STC1: variants seen among roughly 807,000 people sequenced by gnomAD.
STC1 encodes the protein stanniocalcin 1, also known as stanniocalcin-1.
STC1 carries 7 observed loss-of-function variants against 22.6 expected under a neutral mutation model. The observed-to-expected ratio is 0.31, with a 90% CI of 0.18 to 0.58. STC1 has a LOEUF of 0.58. Ranked by LOEUF, STC1 falls within the 20% of genes least tolerant of loss-of-function variation. The pLI is 0.89. For synonymous variants in STC1, 113 were observed against 120.7 expected (o/e 0.94, Z 0.42); for missense variants, 224 against 311.0 (o/e 0.72, Z 2.10).
chr8:23,853,792 C>T (rs549915889), intron 1 of STC1, among the ~76,000 whole-genome samples: 256 of 152,170 alleles, frequency 1.7e-3, no homozygotes, highest in African/African-American at 5.6e-3. Flanking sequence ...GGCTCTCTGG[C>T]TACGGGCTGC....
At chr8:23,853,138 A>C (rs193149116) in intron 1 of STC1, among the ~76,000 whole-genome samples, 2 of 152,242 alleles carry the variant, frequency 1.3e-5, no homozygotes, top group African/African-American at 4.8e-5. Context: ...AAAAACTTGC[A>C]TGAGGCTTTC....
In STC1 at chr8:23,854,726, C is replaced by CGCTGCT. The variant is rs879545164; in HGVS notation, c.-209_-204dup. 73 of 656,786 alleles carry CGCTGCT rather than the reference C, an allele frequency of 1.1e-4. No individual in the cohort carries two copies. The highest frequency in any genetic ancestry group is 8.0e-4 in the African/African-American group (44 of 55,128). 40.7% of individuals were successfully genotyped at this position (656,786 alleles called of 1,614,324 possible). A position where few individuals can be genotyped will look rare whatever the true frequency, so the allele number is the denominator to read the frequency against. Reference sequence around the variant, plus strand: ...CCTCCGCTGCTGCTGCTGCTGCCGCCGCTGCTGCTGCTGCTGCCACCGCCG... The same window carrying CGCTGCT: ...CCTCCGCTGCTGCTGCTGCTGCCGCCGCTGCTGCTGCTGCTGCTGCTGCCACCGCCG... On this transcript the variant is annotated 5_prime_UTR_variant, in exon 1 of 4. Transcript: ENST00000290271.
rs1563344396 is a variant in STC1, at chr8:23,854,720, T to TGCTGCTGCTGCTGCC, written c.-198_-197insGGCAGCAGCAGCAGC. On this transcript the variant is annotated 5_prime_UTR_variant, in exon 1 of 4. Coordinates refer to ENST00000290271, the MANE Select transcript of STC1 (RefSeq NM_003155.3). Reference sequence around the variant, plus strand: ...CCGGTGCCTCCGCTGCTGCTGCTGCTGCCGCCGCTGCTGCTGCTGCTGCCA... The same window carrying TGCTGCTGCTGCTGCC: ...CCGGTGCCTCCGCTGCTGCTGCTGCTGCTGCTGCTGCTGCCGCCGCCGCTGCTGCTGCTGCTGCCA... 2.3e-5 allele frequency: 15 copies of TGCTGCTGCTGCTGCC among 662,714 alleles called. No individual in the cohort carries two copies. The highest frequency in any genetic ancestry group is 2.2e-4 in the African/African-American group (12 of 55,124). 41.1% of individuals were successfully genotyped at this position (662,714 alleles called of 1,614,324 possible). A position where few individuals can be genotyped will look rare whatever the true frequency, so the allele number is the denominator to read the frequency against.
Position 23,851,451 on chromosome 8 carries a change from G to A in STC1, c.342C>T (p.Cys114=), listed in dbSNP as rs769220738. The change falls in exon 3 of 4, where the codon TGC becomes TGT. Residue 114 remains cysteine, a synonymous_variant. Coordinates refer to ENST00000290271, the MANE Select transcript of STC1 (RefSeq NM_003155.3). The part of the protein sequence containing the change: ...TSKVFLAIRR[C]STFQRMIAEV... ...CAGCAATCATCCTTTGGAAAGTGGA[G>A]CACCTCCGAATGGCGAGGAAGACCT... 6 of 1,614,058 alleles carry A rather than the reference G, an allele frequency of 3.7e-6. No individual in the cohort carries two copies. In the African/African-American group the frequency reaches 6.7e-5, roughly 18 times the overall value.
chr8:23,846,213 GC>G (rs58602683), intron 3 of STC1, among the ~76,000 whole-genome samples: 2,367 of 152,260 alleles, frequency 0.016, 64 homozygotes, highest in African/African-American at 0.053. Context: ...ATACCCCCAA[GC>G]AATGTAGCTA....
chr8:23,849,706 T>C (rs548123518), intron 3 of STC1, among the ~76,000 whole-genome samples: 18 of 152,196 alleles, frequency 1.2e-4, no homozygotes, highest in Non-Finnish European at 2.6e-4. Context: ...TTATAGATCA[T>C]GATTTGTCAC....
At chr8:23,850,113 A>G (rs1161473221) in intron 3 of STC1, among the ~76,000 whole-genome samples, 1 of 152,166 alleles carries the variant, frequency 6.6e-6, no homozygotes, top group African/African-American at 2.4e-5. Context: ...TAAGGGTGAA[A>G]AAGAAATTTT....
intron 1 of STC1, 64 bp downstream of exon 1, chr8:23,854,341 CA>C: frequency 1.4e-6 from 2 of 1,425,168 alleles, no homozygotes; most frequent in Non-Finnish European, 9.9e-7. Flanking sequence ...GACACAGTTG[CA>C]AAAGGGAGAG....
chr8:23,850,731 G>A (rs949130826), intron 3 of STC1, among the ~76,000 whole-genome samples: 1 of 152,080 alleles, frequency 6.6e-6, no homozygotes, highest in Non-Finnish European at 1.5e-5. Context: ...ATAACATAAG[G>A]CCTGGAAGGA....
Position 23,854,726 on chromosome 8 carries a change from C to CGCTGCTGCT in STC1, c.-212_-204dup, listed in dbSNP as rs879545164. 1.4e-5 allele frequency: 9 copies of CGCTGCTGCT among 656,670 alleles called. No individual in the cohort carries two copies. Among genetic ancestry groups the CGCTGCTGCT allele is most frequent in the East Asian group, 2.9e-5 (1 of 34,350 alleles). The allele number at this position is 656,670 out of a possible 1,614,324, so 40.7% of individuals were successfully genotyped here. A position where few individuals can be genotyped will look rare whatever the true frequency, so the allele number is the denominator to read the frequency against. ...CCTCCGCTGCTGCTGCTGCTGCCGC[C>CGCTGCTGCT]GCTGCTGCTGCTGCTGCCACCGCCG... On this transcript the variant is annotated 5_prime_UTR_variant, in exon 1 of 4. Coordinates refer to ENST00000290271, the MANE Select transcript of STC1 (RefSeq NM_003155.3).
In STC1 at chr8:23,854,228, T is replaced by C. The variant is rs890697331; in HGVS notation, c.118+178A>G. 1.2e-5 allele frequency: 12 copies of C among 997,994 alleles called. No homozygotes were observed. In the African/African-American group the frequency reaches 2.0e-4, roughly 16 times the overall value. The allele number at this position is 997,994 out of a possible 1,614,324, so 61.8% of individuals were successfully genotyped here. On this transcript the variant is annotated intron_variant, in intron 1 of 3. Coordinates refer to ENST00000290271, the MANE Select transcript of STC1 (RefSeq NM_003155.3). ...AGCTTCTTCGTTTAGTTGCATGCAA[T>C]TTATTAAACAAAGGAGCTCCACTGC...
intron 3 of STC1, among the ~76,000 whole-genome samples, chr8:23,849,638 T>C (rs78101491): frequency 0.016 from 2,510 of 152,284 alleles, 69 homozygotes; most frequent in African/African-American, 0.057. Flanking sequence ...TAATGGAAGA[T>C]GCTACTTCAG....
rs886137148 is a variant in STC1 at position 23,854,750 on chromosome 8, CGCTGCTGCT to C, written c.-236_-228del. On this transcript the variant is annotated 5_prime_UTR_variant, in exon 1 of 4. Coordinates refer to ENST00000290271, the MANE Select transcript of STC1 (RefSeq NM_003155.3). Reference sequence around the variant, plus strand: ...CCGCTGCTGCTGCTGCTGCCACCGCCGCTGCTGCTGCTGCTGCTGCAGTCGCTGCTTCTT... The same window carrying C: ...CCGCTGCTGCTGCTGCTGCCACCGCCGCTGCTGCTGCAGTCGCTGCTTCTT... 3 of 634,530 alleles carry C rather than the reference CGCTGCTGCT, an allele frequency of 4.7e-6. No homozygotes were observed. The East Asian group carries it at 9.3e-5, about 20-fold the overall frequency. 39.3% of individuals were successfully genotyped at this position (634,530 alleles called of 1,614,324 possible). A position where few individuals can be genotyped will look rare whatever the true frequency, so the allele number is the denominator to read the frequency against.
chr8:23,850,216 C>G (rs975358679), intron 3 of STC1, among the ~76,000 whole-genome samples: 6 of 152,132 alleles, frequency 3.9e-5, no homozygotes, highest in African/African-American at 1.4e-4. Context: ...CTTGTAAGCC[C>G]CAGAGGGACT....
At chr8:23,845,839 A>G (rs1362502576) in intron 3 of STC1, among the ~76,000 whole-genome samples, 1 of 152,176 alleles carries the variant, frequency 6.6e-6, no homozygotes, top group Non-Finnish European at 1.5e-5. Context: ...CTTCTACTAT[A>G]CCAGAGTTTG....
Position 23,854,723 on chromosome 8 carries a change from C to A in STC1, c.-200G>T. The A allele has an allele frequency of 1.5e-6, 1 of 663,266 alleles. No individual in the cohort carries two copies. The highest frequency in any genetic ancestry group is 1.5e-5 in the South Asian group (1 of 66,224). The allele number at this position is 663,266 out of a possible 1,614,324, so 41.1% of individuals were successfully genotyped here. A position where few individuals can be genotyped will look rare whatever the true frequency, so the allele number is the denominator to read the frequency against. ...GTGCCTCCGCTGCTGCTGCTGCTGC[C>A]GCCGCTGCTGCTGCTGCTGCCACCG... On this transcript the variant is annotated 5_prime_UTR_variant, in exon 1 of 4. Transcript: ENST00000290271.
At chr8:23,854,057 T>C in intron 1 of STC1, 21 of 1,083,758 alleles carry the variant, frequency 1.9e-5, no homozygotes, top group Non-Finnish European at 2.4e-5. Context: ...TTAGATCAGC[T>C]TCTGGAAAGT....
chr8:23,853,786 C>T (rs992529553), intron 1 of STC1, among the ~76,000 whole-genome samples: 1 of 152,066 alleles, frequency 6.6e-6, no homozygotes, highest in African/African-American at 2.4e-5. Flanking sequence ...TCTAGGGGCT[C>T]TCTGGCTACG....
At chr8:23,850,742 A>C (rs537676926) in intron 3 of STC1, among the ~76,000 whole-genome samples, 1 of 152,240 alleles carries the variant, frequency 6.6e-6, no homozygotes, top group African/African-American at 2.4e-5. Context: ...CCTGGAAGGA[A>C]ACCTGAAAAT....
Sources: gnomAD v4.1 joint callset for allele counts (sites outside exome capture counted in the v4.1 genomes callset) on GRCh38, gnomAD v4.1.1 for gene constraint, MANE v1.5 for transcripts, NCBI Gene and HGNC (gene_info 2026-07-23, HGNC 2026-07-21) for gene names.